ST8SIA5: variants seen among roughly 807,000 people sequenced by gnomAD.
The protein encoded by ST8SIA5 is ST8 alpha-N-acetyl-neuraminide alpha-2,8-sialyltransferase 5.
In ST8SIA5, 24 loss-of-function variants were observed where a neutral mutation model predicts 40.2. That is an observed-to-expected ratio of 0.60 (90% CI 0.43 to 0.84). The LOEUF is 0.84. Ranked by LOEUF, ST8SIA5 falls within the 40% of genes least tolerant of loss-of-function variation. ST8SIA5 has a pLI of 0.00. For missense variants in ST8SIA5, 465 were observed against 498.5 expected, an observed-to-expected ratio of 0.93 and a Z score of 0.64; for synonymous variants, 198 against 201.8, an observed-to-expected ratio of 0.98 and a Z score of 0.16.
At chr18:46,690,451 A>C (rs2039493596) in intron 3 of ST8SIA5, among the ~76,000 whole-genome samples, 1 of 151,982 alleles carries the variant, frequency 6.6e-6, no homozygotes, top group Non-Finnish European at 1.5e-5. Flanking sequence ...GCCTTTTCTC[A>C]CACCTGAAAC....
At chr18:46,713,846 G>A (rs2039758596) in intron 1 of ST8SIA5, among the ~76,000 whole-genome samples, 1 of 152,182 alleles carries the variant, frequency 6.6e-6, no homozygotes, top group South Asian at 2.1e-4. Context: ...TCTGCCGTAG[G>A]TGGAAGCAAG....
chr18:46,738,302 A>T (rs954452375), intron 1 of ST8SIA5, among the ~76,000 whole-genome samples: 3 of 150,072 alleles, frequency 2.0e-5, no homozygotes, highest in Non-Finnish European at 3.0e-5. Flanking sequence ...GGAATCCGGG[A>T]GTAAGAGGGT....
At chr18:46,700,336 C>G (rs778293565) in intron 2 of ST8SIA5, among the ~76,000 whole-genome samples, 1 of 152,206 alleles carries the variant, frequency 6.6e-6, no homozygotes, top group East Asian at 1.9e-4. Context: ...TCTGCAGGCC[C>G]GAAGGGGCAA....
chr18:46,711,113 C>T (rs1163885025), intron 1 of ST8SIA5, among the ~76,000 whole-genome samples: 3 of 152,156 alleles, frequency 2.0e-5, no homozygotes, highest in Admixed American at 2.0e-4. Flanking sequence ...CATATAGCGC[C>T]TCTGTGCAAA....
chr18:46,679,288 C>T lies in ST8SIA5; in HGVS notation c.*754G>A, dbSNP rs538590064. The T allele has an allele frequency of 6.6e-5, 10 of 152,310 alleles. 1 individual carries two copies. The highest frequency in any genetic ancestry group is 2.2e-4 in the African/African-American group (9 of 41,532). 9.4% of individuals were successfully genotyped at this position (152,310 alleles called of 1,614,324 possible). On this transcript the variant is annotated 3_prime_UTR_variant, in exon 7 of 7. Coordinates refer to ENST00000315087, the MANE Select transcript of ST8SIA5 (RefSeq NM_013305.6). ...ATTTCCTTCTCATCAAAAGAGCTAACGCAGGATTGAACCTGGGGGCACCAA... is the reference window on the plus strand; with the variant it reads ...ATTTCCTTCTCATCAAAAGAGCTAATGCAGGATTGAACCTGGGGGCACCAA...
chr18:46,734,122 G>C (rs1250038902), intron 1 of ST8SIA5, among the ~76,000 whole-genome samples: 1 of 152,150 alleles, frequency 6.6e-6, no homozygotes, highest in Non-Finnish European at 1.5e-5. Flanking sequence ...AGATGCTTCT[G>C]GTTGCGCCGC....
rs2039367795 is a variant in ST8SIA5, at chr18:46,679,787, G to C, written c.*255C>G. 1.9e-6 allele frequency: 1 copy of C among 525,966 alleles called. No homozygotes were observed. The highest frequency in any genetic ancestry group is 1.9e-5 in the African/African-American group (1 of 52,576). 32.6% of individuals were successfully genotyped at this position (525,966 alleles called of 1,614,324 possible). A position where few individuals can be genotyped will look rare whatever the true frequency, so the allele number is the denominator to read the frequency against. ...ATCTTGGGGTGTGGCCCAGCAGCATGCTAGCCAGGGCAGGTGGACGCACTG... is the reference window on the plus strand; with the variant it reads ...ATCTTGGGGTGTGGCCCAGCAGCATCCTAGCCAGGGCAGGTGGACGCACTG... On this transcript the variant is annotated 3_prime_UTR_variant, in exon 7 of 7. Transcript: ENST00000315087.
intron 2 of ST8SIA5, among the ~76,000 whole-genome samples, chr18:46,695,311 G>A (rs1457594788): frequency 6.6e-6 from 1 of 152,158 alleles, no homozygotes; most frequent in Non-Finnish European, 1.5e-5. Context: ...GGTGATTGCA[G>A]GAAAAGTCAT....
intron 1 of ST8SIA5, among the ~76,000 whole-genome samples, chr18:46,746,928 C>A (rs968966297): frequency 6.6e-6 from 1 of 152,192 alleles, no homozygotes; most frequent in Non-Finnish European, 1.5e-5. Flanking sequence ...CATCTACAAC[C>A]ATCTGATCTT....
intron 1 of ST8SIA5, 42 bp downstream of exon 1, chr18:46,756,336 G>C (rs1396199541): frequency 1.2e-6 from 2 of 1,601,358 alleles, no homozygotes; most frequent in Middle Eastern, 1.7e-4. Context: ...GGGGCTCGCC[G>C]GCCGGCTCCG....
chr18:46,756,712 G>T lies in ST8SIA5; in HGVS notation c.-204C>A, dbSNP rs777885923. On this transcript the variant is annotated 5_prime_UTR_variant, in exon 1 of 7. Coordinates refer to ENST00000315087, the MANE Select transcript of ST8SIA5 (RefSeq NM_013305.6). ...TCGCAGGCGCTGGGGCGGCAAGCAG[G>T]ACAGGGCCGGTGGCAGGGAGCTCTG... is the stretch of plus-strand genomic sequence containing the variant. The T allele has an allele frequency of 1.8e-6, 1 of 566,044 alleles. No individual in the cohort carries two copies. 35.1% of individuals were successfully genotyped at this position (566,044 alleles called of 1,614,324 possible). A position where few individuals can be genotyped will look rare whatever the true frequency, so the allele number is the denominator to read the frequency against.
At position 46,679,414 on chromosome 18, in the gene ST8SIA5, G is replaced by C. The variant is rs980262371; in HGVS notation, c.*628C>G. ...ACCCAGGCCTTGGGTTAGATCTCTCGGTGTCACAGAAGAACCTGTCGGGTG... is the reference window on the plus strand; with the variant it reads ...ACCCAGGCCTTGGGTTAGATCTCTCCGTGTCACAGAAGAACCTGTCGGGTG... On this transcript the variant is annotated 3_prime_UTR_variant, in exon 7 of 7. Coordinates refer to ENST00000315087, the MANE Select transcript of ST8SIA5 (RefSeq NM_013305.6). The C allele has an allele frequency of 6.5e-6, 1 of 153,376 alleles. No homozygotes were observed. Among genetic ancestry groups the C allele is most frequent in the East Asian group, 1.9e-4 (1 of 5,186 alleles). The allele number at this position is 153,376 out of a possible 1,614,324, so 9.5% of individuals were successfully genotyped here.
intron 1 of ST8SIA5, among the ~76,000 whole-genome samples, chr18:46,741,562 G>C (rs1337640457): frequency 6.6e-6 from 1 of 152,134 alleles, no homozygotes; most frequent in African/African-American, 2.4e-5. Flanking sequence ...GGCAAAGATA[G>C]CATGATAAGA....
intron 1 of ST8SIA5, among the ~76,000 whole-genome samples, chr18:46,738,573 A>AGGAGAAACTTGCTCTGACC (rs1378244959): frequency 6.6e-6 from 1 of 152,174 alleles, no homozygotes; most frequent in Admixed American, 6.5e-5. Context: ...GCAAGTGCTC[A>AGGAGAAACTTGCTCTGACC]GGAGAAACTT....
chr18:46,754,658 G>T (rs1233993562), intron 1 of ST8SIA5, among the ~76,000 whole-genome samples: 2 of 152,246 alleles, frequency 1.3e-5, no homozygotes, highest in Non-Finnish European at 2.9e-5. Flanking sequence ...CACCTTGTGT[G>T]CCTGCTGAAC....
At position 46,713,588 on chromosome 18, in the gene ST8SIA5, G is replaced by A. The variant is rs147746487; in HGVS notation, c.132-8924C>T. ...TGAGGTCAGCTCCCACATTCAGATG[G>A]CAGCAAATGACACTGAGAAGAAAGG... is the stretch of plus-strand genomic sequence containing the variant. On this transcript the variant is annotated intron_variant, in intron 1 of 6. Coordinates refer to ENST00000315087, the MANE Select transcript of ST8SIA5 (RefSeq NM_013305.6). Among the ~76,000 whole-genome samples, 1,025 of 152,304 alleles carry A rather than the reference G, an allele frequency of 6.7e-3. 4 individuals are homozygous for A. The highest frequency in any genetic ancestry group is 0.014 in the Middle Eastern group (4 of 294).
intron 1 of ST8SIA5, among the ~76,000 whole-genome samples, chr18:46,734,879 T>C (rs2040019167): frequency 1.3e-5 from 2 of 152,252 alleles, no homozygotes; most frequent in South Asian, 2.1e-4. Context: ...TGGTTAACTT[T>C]AAGTGTCAAC....
chr18:46,756,784 C>A lies in ST8SIA5; in HGVS notation c.-276G>T, dbSNP rs968008021. The A allele has an allele frequency of 4.6e-5, 17 of 370,512 alleles. No homozygotes were observed. Among genetic ancestry groups the A allele is most frequent in the African/African-American group, 2.8e-4 (13 of 46,618 alleles). 23.0% of individuals were successfully genotyped at this position (370,512 alleles called of 1,614,324 possible). ...ACCCCCGGGTACCTTTACCTCCAGG[C>A]GCCGGTGCCGGGTAGCCGCCGATTT... On this transcript the variant is annotated 5_prime_UTR_variant, in exon 1 of 7. Coordinates refer to ENST00000315087, the MANE Select transcript of ST8SIA5 (RefSeq NM_013305.6).
intron 4 of ST8SIA5, among the ~76,000 whole-genome samples, chr18:46,688,135 G>A (rs1398082766): frequency 6.6e-6 from 1 of 152,182 alleles, no homozygotes. Context: ...CATTCATTTT[G>A]TGGTCCTCCA....
Sources: gnomAD v4.1 joint callset for allele counts (sites outside exome capture counted in the v4.1 genomes callset) on GRCh38, gnomAD v4.1.1 for gene constraint, MANE v1.5 for transcripts, NCBI Gene and HGNC (gene_info 2026-07-23, HGNC 2026-07-21) for gene names.